The following SH2D4A variants were observed in gnomAD, a reference collection of about 807,000 sequenced individuals.
The protein encoded by SH2D4A is SH2 domain containing 4A, also known as SH2 domain-containing protein 4A.
In SH2D4A, 70 loss-of-function variants were observed where a neutral mutation model predicts 64.7. That is an observed-to-expected ratio of 1.08 (90% confidence interval 0.89 to 1.32). SH2D4A has a LOEUF of 1.32. Among genes scored for constraint, SH2D4A ranks in the 40% most tolerant of loss-of-function variants. The pLI is 0.00. For synonymous variants in SH2D4A, 268 were observed against 200.7 expected, an observed-to-expected ratio of 1.34 and a Z score of -2.83; for missense variants, 706 against 540.1, an observed-to-expected ratio of 1.31 and a Z score of -3.04.
intron 4 of SH2D4A, among the ~76,000 whole-genome samples, chr8:19,347,178 G>A (rs2052626603): frequency 1.3e-5 from 2 of 152,216 alleles, no homozygotes; most frequent in South Asian, 4.1e-4. Flanking sequence ...AACACGCAGA[G>A]TTACTGGGTG....
chr8:19,344,817 A>G (rs1240404170), intron 4 of SH2D4A, among the ~76,000 whole-genome samples: 1 of 152,140 alleles, frequency 6.6e-6, no homozygotes, highest in Non-Finnish European at 1.5e-5. Flanking sequence ...CTGTGCATGT[A>G]CTATGTAATA....
chr8:19,343,971 G>A (rs950701284), intron 4 of SH2D4A, among the ~76,000 whole-genome samples: 2 of 152,170 alleles, frequency 1.3e-5, no homozygotes, highest in Non-Finnish European at 2.9e-5. Context: ...AAATGTCAGT[G>A]GTAAGAAAGT....
At chr8:19,315,181 G>C (rs1196364318) in intron 1 of SH2D4A, among the ~76,000 whole-genome samples, 1 of 152,124 alleles carries the variant, frequency 6.6e-6, no homozygotes, top group African/African-American at 2.4e-5. Context: ...TGTCACCCAG[G>C]CTGTGGTGCA....
chr8:19,361,025 T>G (rs912689047), intron 5 of SH2D4A, 178 bp from the exon 6 acceptor site: 41 of 439,938 alleles, frequency 9.3e-5, no homozygotes, highest in Non-Finnish European at 1.3e-4. Context: ...TGGTCAGTCT[T>G]ACTTCAGGTC....
At chr8:19,376,996 A>C (rs376627645) in intron 8 of SH2D4A, among the ~76,000 whole-genome samples, 6 of 152,206 alleles carry the variant, frequency 3.9e-5, no homozygotes, top group Admixed American at 1.3e-4. Context: ...GAAAAATACA[A>C]CACCAGTGAT....
At chr8:19,338,384 C>A (rs1379355150) in intron 4 of SH2D4A, among the ~76,000 whole-genome samples, 1 of 152,160 alleles carries the variant, frequency 6.6e-6, no homozygotes, top group African/African-American at 2.4e-5. Flanking sequence ...ATCTCTCAGA[C>A]CCACGAACAC....
chr8:19,392,517 C>G (rs138005822), intron 8 of SH2D4A, among the ~76,000 whole-genome samples: 1 of 152,174 alleles, frequency 6.6e-6, no homozygotes, highest in African/African-American at 2.4e-5. Flanking sequence ...CACCTTTGTC[C>G]GAGTGGTTGA....
At chr8:19,337,966 G>A (rs2052470949) in intron 4 of SH2D4A, among the ~76,000 whole-genome samples, 1 of 152,156 alleles carries the variant, frequency 6.6e-6, no homozygotes. Flanking sequence ...GAGTTATGCT[G>A]CCACAAGATG....
intron 4 of SH2D4A, among the ~76,000 whole-genome samples, chr8:19,338,368 A>T (rs900197328): frequency 2.6e-5 from 4 of 152,204 alleles, no homozygotes; most frequent in Non-Finnish European, 5.9e-5. Context: ...ATATATCCAC[A>T]TTTAGATCTC....
At chr8:19,376,281 C>A (rs2053194156) in intron 8 of SH2D4A, among the ~76,000 whole-genome samples, 1 of 152,174 alleles carries the variant, frequency 6.6e-6, no homozygotes, top group South Asian at 2.1e-4. Flanking sequence ...ACGAAGCCCA[C>A]ACACATTATG....
At chr8:19,333,190 T>C in intron 3 of SH2D4A, 76 bp downstream of exon 3, 1 of 1,489,754 alleles carries the variant, frequency 6.7e-7, no homozygotes, top group Non-Finnish European at 9.0e-7. Context: ...CACCTCTTGC[T>C]CACAGTATCA....
At chr8:19,316,302 A>T (rs2052087220) in intron 1 of SH2D4A, among the ~76,000 whole-genome samples, 1 of 152,246 alleles carries the variant, frequency 6.6e-6, no homozygotes, top group African/African-American at 2.4e-5. Flanking sequence ...TTGCTATAAA[A>T]AGTAAAACAA....
At chr8:19,337,929 G>T (rs1177323507) in intron 4 of SH2D4A, among the ~76,000 whole-genome samples, 1 of 152,142 alleles carries the variant, frequency 6.6e-6, no homozygotes, top group Non-Finnish European at 1.5e-5. Flanking sequence ...TGAGAAGAAG[G>T]CCGAGTGAAG....
chr8:19,355,047 G>GA (rs1440712170), intron 4 of SH2D4A, among the ~76,000 whole-genome samples: 1 of 152,014 alleles, frequency 6.6e-6, no homozygotes, highest in Non-Finnish European at 1.5e-5. Flanking sequence ...ATTAAAATGA[G>GA]AAAAAAATGA....
chr8:19,366,526 G>A (rs930155099), intron 7 of SH2D4A, among the ~76,000 whole-genome samples: 10 of 152,134 alleles, frequency 6.6e-5, no homozygotes, highest in African/African-American at 2.4e-4. Flanking sequence ...GCTGGGTGTG[G>A]TGGCTTATGC....
intron 8 of SH2D4A, among the ~76,000 whole-genome samples, chr8:19,388,296 C>G (rs79615626): frequency 0.15 from 23,409 of 152,186 alleles, 2,073 homozygotes; most frequent in African/African-American, 0.23. Flanking sequence ...CTATAAAATA[C>G]AGATGACGAT....
At chr8:19,392,621 C>T (rs547109888) in intron 8 of SH2D4A, among the ~76,000 whole-genome samples, 2 of 152,218 alleles carry the variant, frequency 1.3e-5, no homozygotes, top group East Asian at 1.9e-4. Context: ...CTTTAAATCC[C>T]CTCCCAGATC....
chr8:19,389,802 AG>A (rs1239143013), intron 8 of SH2D4A, among the ~76,000 whole-genome samples: 3 of 152,194 alleles, frequency 2.0e-5, no homozygotes, highest in Admixed American at 6.5e-5. Flanking sequence ...GGTACCCAGG[AG>A]GTTGAGGCTG....
intron 1 of SH2D4A, 86 bp downstream of exon 1, chr8:19,313,909 G>T: frequency 7.5e-7 from 1 of 1,326,466 alleles, no homozygotes; most frequent in South Asian, 2.0e-5. Flanking sequence ...GAGGTTGCAT[G>T]GGTGCATGGG....
Sources: allele counts gnomAD v4.1 joint callset (sites outside exome capture counted in the v4.1 genomes callset), GRCh38; gene constraint gnomAD v4.1.1; transcripts MANE v1.5; gene names NCBI Gene and HGNC (gene_info 2026-07-23, HGNC 2026-07-21).